The following DACH1 variants were observed in gnomAD, a reference collection of about 807,000 sequenced individuals.
DACH1 encodes the protein dachshund homolog 1.
A neutral mutation model predicts 54.2 loss-of-function variants in DACH1; 12 were observed. The observed-to-expected ratio is 0.22, with a 90% CI of 0.14 to 0.36. The LOEUF (loss-of-function observed/expected upper bound fraction) is 0.36, where lower values mean the gene tolerates loss of function less well. Among genes scored for constraint, DACH1 ranks in the 10% least tolerant of loss-of-function variants. The pLI is 1.00. For synonymous variants in DACH1, 386 were observed against 366.2 expected, an observed-to-expected ratio of 1.05 and a Z score of -0.62; for missense variants, 805 against 929.8, an observed-to-expected ratio of 0.87 and a Z score of 1.75.
At chr13:71,756,813 TA>T (rs1885181242) in intron 1 of DACH1, among the ~76,000 whole-genome samples, 1 of 152,096 alleles carries the variant, frequency 6.6e-6, no homozygotes. Flanking sequence ...TAACTCTCAG[TA>T]TATATAGAAA....
intron 1 of DACH1, among the ~76,000 whole-genome samples, chr13:71,783,105 C>T (rs1018410338): frequency 1.3e-5 from 2 of 152,126 alleles, no homozygotes; most frequent in African/African-American, 4.8e-5. Flanking sequence ...GCTATACACA[C>T]AGACGTACAC....
chr13:71,511,192 T>A (rs1880747777), intron 6 of DACH1, among the ~76,000 whole-genome samples: 1 of 152,030 alleles, frequency 6.6e-6, no homozygotes, highest in Admixed American at 6.6e-5. Context: ...CATGTGAGTA[T>A]GGAAGAAAGA....
Position 71,559,847 on chromosome 13 carries a change from G to A in DACH1, c.1408C>T (p.Arg470Trp), listed in dbSNP as rs767327632. 19 of 1,613,620 alleles carry A rather than the reference G, an allele frequency of 1.2e-5. No individual in the cohort carries two copies. Among genetic ancestry groups the A allele is most frequent in the Non-Finnish European group, 1.4e-5 (16 of 1,179,886 alleles). ...ATTCTGTCAGAAGAGCTCTCAGTCC[G>A]AGCAGGGGAGCTGGACACGCTGCTG... ...RSSSVSSSPARTESSSDRIPV... is the reference protein window; with the variant it reads ...RSSSVSSSPAWTESSSDRIPV... Residue 470 changes from arginine (R) to tryptophan (W), a missense_variant, in exon 5 of 11, where the codon CGG becomes TGG. This residue lies in a region of DACH1 where 472 missense variants were observed against 545.3 expected (regional missense o/e 0.87). Transcript: ENST00000613252.
At chr13:71,630,533 G>A (rs948498318) in intron 3 of DACH1, 23 bp downstream of exon 3, 1 of 1,563,362 alleles carries the variant, frequency 6.4e-7, no homozygotes, top group East Asian at 2.3e-5. Context: ...ATCACAATAA[G>A]TTTCAGCGAA....
intron 3 of DACH1, among the ~76,000 whole-genome samples, chr13:71,624,767 G>A (rs906011614): frequency 6.6e-6 from 1 of 151,872 alleles, no homozygotes; most frequent in African/African-American, 2.4e-5. Flanking sequence ...AGTACTGCCA[G>A]CTTAACCAAA....
intron 1 of DACH1, among the ~76,000 whole-genome samples, chr13:71,701,408 C>T (rs1882131463): frequency 1.3e-5 from 2 of 152,018 alleles, no homozygotes; most frequent in African/African-American, 2.4e-5. Flanking sequence ...ACTTTAGTAA[C>T]CGTGTTTTTT....
chr13:71,755,250 ATGAGT>A (rs1885096024), intron 1 of DACH1, among the ~76,000 whole-genome samples: 1 of 152,172 alleles, frequency 6.6e-6, no homozygotes, highest in African/African-American at 2.4e-5. Context: ...TATATCACAC[ATGAGT>A]TGAGGAAAAA....
intron 1 of DACH1, among the ~76,000 whole-genome samples, chr13:71,700,087 G>A (rs1371419552): frequency 1.3e-5 from 2 of 152,000 alleles, no homozygotes; most frequent in Non-Finnish European, 2.9e-5. Context: ...GTGTGTGTGC[G>A]TGCATGCATG....
intron 1 of DACH1, among the ~76,000 whole-genome samples, chr13:71,731,568 C>T (rs769837923): frequency 6.6e-6 from 1 of 152,134 alleles, no homozygotes; most frequent in Non-Finnish European, 1.5e-5. Context: ...CAGGCGTGAG[C>T]CACCGCGCCT....
intron 3 of DACH1, among the ~76,000 whole-genome samples, chr13:71,617,809 G>A (rs1464358743): frequency 6.6e-6 from 1 of 152,012 alleles, no homozygotes; most frequent in Non-Finnish European, 1.5e-5. Flanking sequence ...CAATCATGGG[G>A]CTATATATTC....
In DACH1 at chr13:71,657,139, C is replaced by T. The variant is rs571240919; in HGVS notation, c.964+24656G>A. The stretch of plus-strand genomic sequence containing the variant: ...AACTAACTAACCTGAGACTTAGAGT[C>T]CTCATTTTATTAATGGAGCTAATTG... On this transcript the variant is annotated intron_variant, in intron 2 of 10. Transcript: ENST00000613252. Among the ~76,000 whole-genome samples the T allele has an allele frequency of 2.6e-5, 4 of 151,280 alleles. No homozygotes were observed. In the East Asian group the frequency reaches 5.9e-4, roughly 22 times the overall value.
At chr13:71,636,932 A>T (rs530620030) in intron 2 of DACH1, among the ~76,000 whole-genome samples, 6 of 152,198 alleles carry the variant, frequency 3.9e-5, no homozygotes, top group Admixed American at 6.5e-5. Flanking sequence ...GATTTTTTTT[A>T]AAAATGGGCT....
chr13:71,854,575 C>A (rs1330419245), intron 1 of DACH1, among the ~76,000 whole-genome samples: 1 of 152,014 alleles, frequency 6.6e-6, no homozygotes, highest in East Asian at 1.9e-4. Flanking sequence ...GGAAAGAGAG[C>A]TAGAAAGTGC....
chr13:71,622,979 A>C (rs1489874546), intron 3 of DACH1, among the ~76,000 whole-genome samples: 1 of 151,780 alleles, frequency 6.6e-6, no homozygotes, highest in Non-Finnish European at 1.5e-5. Flanking sequence ...AATAGACATC[A>C]CATTCAAAAA....
At position 71,815,861 on chromosome 13, in the gene DACH1, G is replaced by A. The variant is rs991490484; in HGVS notation, c.848+50061C>T. On this transcript the variant is annotated intron_variant, in intron 1 of 10. Coordinates refer to ENST00000613252, the MANE Select transcript of DACH1 (RefSeq NM_080759.6). ...AGCACTTTGGGAGGCCGAGGCGGGCGGATCACGAGGTCAGGAGATCGAGAC... is the reference window on the plus strand; with the variant it reads ...AGCACTTTGGGAGGCCGAGGCGGGCAGATCACGAGGTCAGGAGATCGAGAC... Among the ~76,000 whole-genome samples, 6 of 152,140 alleles carry A rather than the reference G, an allele frequency of 3.9e-5. No individual in the cohort carries two copies. In the South Asian group the frequency reaches 8.3e-4, roughly 21 times the overall value.
At chr13:71,809,894 A>C (rs775950606) in intron 1 of DACH1, among the ~76,000 whole-genome samples, 13 of 152,180 alleles carry the variant, frequency 8.5e-5, no homozygotes, top group Non-Finnish European at 1.9e-4. Context: ...TTAATTCCCG[A>C]AAGTTCAGAG....
At chr13:71,674,045 C>G (rs1566423616) in intron 2 of DACH1, among the ~76,000 whole-genome samples, 6 of 152,164 alleles carry the variant, frequency 3.9e-5, no homozygotes, top group Non-Finnish European at 1.5e-5. Flanking sequence ...ATAATAATTT[C>G]TCTCAGAAAT....
chr13:71,755,249 CAT>C (rs1049262482), intron 1 of DACH1, among the ~76,000 whole-genome samples: 5 of 152,056 alleles, frequency 3.3e-5, no homozygotes, highest in East Asian at 1.9e-4. Context: ...ATATATCACA[CAT>C]GAGTTGAGGA....
intron 1 of DACH1, among the ~76,000 whole-genome samples, chr13:71,845,794 A>T (rs1340761697): frequency 6.6e-6 from 1 of 152,216 alleles, no homozygotes; most frequent in Non-Finnish European, 1.5e-5. Flanking sequence ...GAAGATATAA[A>T]TTAGATTAAT....
Sources: gnomAD v4.1 joint callset for allele counts (sites outside exome capture counted in the v4.1 genomes callset) on GRCh38, gnomAD v4.1.1 for gene constraint, gnomAD v4.1.1 regional missense constraint, MANE v1.5 for transcripts, NCBI Gene and HGNC (gene_info 2026-07-23, HGNC 2026-07-21) for gene names.